ATG10: variants seen among roughly 807,000 people sequenced by gnomAD.
ATG10 encodes the protein autophagy related 10.
Under a neutral mutation model 32.1 loss-of-function variants are expected in ATG10, and 30 were observed. The observed-to-expected ratio is 0.94, with a 90% CI of 0.70 to 1.27. The LOEUF (loss-of-function observed/expected upper bound fraction) is 1.27, where lower values mean the gene tolerates loss of function less well. Ranked by LOEUF, ATG10 falls within the 50% of genes most tolerant of loss-of-function variation. The pLI is 0.00. For missense variants in ATG10, 233 were observed against 262.3 expected (o/e 0.89, Z 0.77); for synonymous variants, 87 against 91.5 (o/e 0.95, Z 0.28).
chr5:82,127,704 T>G (rs1581716542), intron 3 of ATG10, among the ~76,000 whole-genome samples: 1 of 152,174 alleles, frequency 6.6e-6, no homozygotes, highest in Non-Finnish European at 1.5e-5. Context: ...TTTCCAATTA[T>G]GTGGTTGATT....
intron 3 of ATG10, among the ~76,000 whole-genome samples, chr5:82,069,614 T>C (rs1441658201): frequency 6.6e-6 from 1 of 152,150 alleles, no homozygotes; most frequent in Admixed American, 6.6e-5. Flanking sequence ...TGCCAGAAAC[T>C]GATATCGCTT....
chr5:82,172,621 A>G (rs1743850180), intron 4 of ATG10, among the ~76,000 whole-genome samples: 1 of 152,206 alleles, frequency 6.6e-6, no homozygotes, highest in Non-Finnish European at 1.5e-5. Flanking sequence ...GGGTACATAG[A>G]AAACTGTAGA....
intron 5 of ATG10, among the ~76,000 whole-genome samples, chr5:82,199,235 C>G (rs950854550): frequency 6.6e-6 from 1 of 152,104 alleles, no homozygotes; most frequent in African/African-American, 2.4e-5. Context: ...GATTTTTGGT[C>G]GATTTTTCTC....
chr5:82,019,206 A>G (rs1762372565), intron 2 of ATG10, among the ~76,000 whole-genome samples: 1 of 152,238 alleles, frequency 6.6e-6, no homozygotes. Context: ...TTGATGAATT[A>G]GGATCCATGA....
rs1761531549 is a variant in ATG10, at chr5:81,993,360, C to CCTTCTTTCTTTCTT, written c.108+5682_108+5683insCTTCTTTCTTTCTT. Among the ~76,000 whole-genome samples, 72 of 46,794 alleles carry CCTTCTTTCTTTCTT rather than the reference C, an allele frequency of 1.5e-3. 5 individuals carry two copies. The highest frequency in any genetic ancestry group is 0.011 in the Middle Eastern group (1 of 88). 30.7% of individuals were successfully genotyped at this position (46,794 alleles called of 152,430 possible). A position where few individuals can be genotyped will look rare whatever the true frequency, so the allele number is the denominator to read the frequency against. Reference sequence around the variant, plus strand: ...CCTTCTTTCTTTCTTTCTTTCTTTCCTTCTTTTCTTTTCTTTTCTTTTCTT... The same window carrying CCTTCTTTCTTTCTT: ...CCTTCTTTCTTTCTTTCTTTCTTTCCCTTCTTTCTTTCTTTTCTTTTCTTTTCTTTTCTTTTCTT... On this transcript the variant is annotated intron_variant, in intron 2 of 7. Coordinates refer to ENST00000282185, the MANE Select transcript of ATG10 (RefSeq NM_031482.5).
intron 4 of ATG10, among the ~76,000 whole-genome samples, chr5:82,172,160 G>A (rs1743832660): frequency 6.6e-6 from 1 of 152,160 alleles, no homozygotes; most frequent in Non-Finnish European, 1.5e-5. Context: ...ATACTCATAG[G>A]TTAGGCAGTG....
At chr5:82,167,078 C>T (rs1743613618) in intron 4 of ATG10, among the ~76,000 whole-genome samples, 1 of 151,982 alleles carries the variant, frequency 6.6e-6, no homozygotes, top group Admixed American at 6.6e-5. Flanking sequence ...AATGCAAATC[C>T]CTTAGACTTT....
At chr5:82,073,384 C>G (rs1327868756) in intron 3 of ATG10, 2 of 152,150 alleles carry the variant, frequency 1.3e-5, no homozygotes, top group African/African-American at 4.8e-5. Context: ...TTGCTAACAT[C>G]AGCAGAAGGG....
intron 1 of ATG10, among the ~76,000 whole-genome samples, chr5:81,985,012 A>G (rs1327033518): frequency 1.3e-5 from 2 of 152,226 alleles, no homozygotes; most frequent in Non-Finnish European, 2.9e-5. Flanking sequence ...AAAGTATTCA[A>G]CCAAATATCA....
chr5:82,049,155 C>G (rs1476275098), intron 2 of ATG10, among the ~76,000 whole-genome samples: 1 of 151,480 alleles, frequency 6.6e-6, no homozygotes, highest in Non-Finnish European at 1.5e-5. Flanking sequence ...ACCCAAATGT[C>G]CAACAATGAT....
intron 4 of ATG10, among the ~76,000 whole-genome samples, chr5:82,167,521 C>T (rs949521060): frequency 3.9e-5 from 6 of 152,204 alleles, no homozygotes; most frequent in African/African-American, 1.4e-4. Context: ...ACTTCAACTG[C>T]TATGCCAGGT....
chr5:82,022,067 T>C lies in ATG10; in HGVS notation c.108+34389T>C, dbSNP rs551127796. 3.2e-4 allele frequency among the ~76,000 whole-genome samples: 48 copies of C among 149,692 alleles called. No individual in the cohort carries two copies. The South Asian group carries it at 6.8e-3, about 21-fold the overall frequency. On this transcript the variant is annotated intron_variant, in intron 2 of 7. Transcript: ENST00000282185. ...AGCTGGGCGTGGTGGCGCATGCCTG[T>C]AATCCCAGCTGCTCGGGAGGCTGAG... is the stretch of plus-strand genomic sequence containing the variant.
intron 5 of ATG10, among the ~76,000 whole-genome samples, chr5:82,195,110 C>T (rs1581790748): frequency 1.3e-5 from 2 of 152,276 alleles, no homozygotes; most frequent in South Asian, 4.1e-4. Context: ...CTAGTGTTGA[C>T]CCTGCTGGTC....
At chr5:82,030,547 T>C (rs2149715004) in intron 2 of ATG10, among the ~76,000 whole-genome samples, 1 of 152,304 alleles carries the variant, frequency 6.6e-6, no homozygotes, top group South Asian at 2.1e-4. Flanking sequence ...TACTCCTCAG[T>C]TTTGCTAACT....
intron 3 of ATG10, among the ~76,000 whole-genome samples, chr5:82,062,260 T>C (rs188127047): frequency 1.2e-4 from 19 of 152,270 alleles, no homozygotes; most frequent in Admixed American, 1.2e-3. Context: ...GTTTCTGAGT[T>C]GTCACGGGAA....
intron 1 of ATG10, among the ~76,000 whole-genome samples, chr5:81,980,485 C>T (rs761924276): frequency 6.6e-6 from 1 of 152,136 alleles, no homozygotes; most frequent in Non-Finnish European, 1.5e-5. Context: ...GAATCTTCCT[C>T]TTTATGTTAG....
At chr5:82,206,809 G>A (rs1355435029) in intron 5 of ATG10, among the ~76,000 whole-genome samples, 1 of 152,028 alleles carries the variant, frequency 6.6e-6, no homozygotes, top group Non-Finnish European at 1.5e-5. Flanking sequence ...CTTTTTCATA[G>A]ATGTAACAAT....
intron 2 of ATG10, among the ~76,000 whole-genome samples, chr5:82,019,728 C>A (rs1380555093): frequency 2.6e-5 from 4 of 152,138 alleles, no homozygotes; most frequent in Admixed American, 1.3e-4. Context: ...GAGGAGTGGT[C>A]ATTTCATTGC....
chr5:82,031,303 T>C (rs1309001915), intron 2 of ATG10, among the ~76,000 whole-genome samples: 1 of 151,876 alleles, frequency 6.6e-6, no homozygotes, highest in East Asian at 1.9e-4. Context: ...AGAAGGAAAA[T>C]TTATTATATT....
Sources: gnomAD v4.1 joint callset for allele counts (sites outside exome capture counted in the v4.1 genomes callset) on GRCh38, gnomAD v4.1.1 for gene constraint, MANE v1.5 for transcripts, NCBI Gene and HGNC (gene_info 2026-07-23, HGNC 2026-07-21) for gene names.